The following VBP1 variants were observed in gnomAD, a reference collection of about 807,000 sequenced individuals.
The protein encoded by VBP1 is VHL binding protein 1.
Under a neutral mutation model 15.5 loss-of-function variants are expected in VBP1, and 4 were observed. The observed-to-expected ratio is 0.26, with a 90% CI of 0.13 to 0.59. The LOEUF (loss-of-function observed/expected upper bound fraction) is 0.59. VBP1 is among the 20% of genes least tolerant of loss of function. VBP1 has a pLI of 0.90. For missense variants in VBP1, 108 were observed against 139.6 expected, an observed-to-expected ratio of 0.77 and a Z score of 1.14; for synonymous variants, 61 against 52.1, an observed-to-expected ratio of 1.17 and a Z score of -0.74.
intron 1 of VBP1, among the ~76,000 whole-genome samples, chrX:155,199,120 A>C (rs183344861): frequency 9.0e-6 from 1 of 111,678 alleles, no homozygotes; most frequent in African/African-American, 3.2e-5. Context: ...AAAAGACCAA[A>C]TCTACAACTG....
intron 3 of VBP1, 21 bp from the exon 4 acceptor site, chrX:155,228,363 A>ATTTTTTTT: frequency 1.1e-6 from 1 of 943,334 alleles, no homozygotes; most frequent in South Asian, 2.4e-5. Flanking sequence ...TGGTACTGTC[A>ATTTTTTTT]TTTTTTTTTT....
At chrX:155,235,860 T>C (rs1344998692) in intron 4 of VBP1, among the ~76,000 whole-genome samples, 1 of 112,270 alleles carries the variant, frequency 8.9e-6, no homozygotes, top group African/African-American at 3.2e-5. Context: ...CTATGCCAGC[T>C]AAGGAAACCT....
chrX:155,222,299 C>T lies in VBP1; in HGVS notation c.218+1992C>T, dbSNP rs1460607136. On this transcript the variant is annotated intron_variant, in intron 2 of 5. Coordinates refer to ENST00000286428, the MANE Select transcript of VBP1 (RefSeq NM_003372.7). ...AGGAGTTCAAGACCAGTGTGGGCAA[C>T]GTGGCAAAACCCTATATCTACAAAA... 5.4e-5 allele frequency among the ~76,000 whole-genome samples: 6 copies of T among 111,240 alleles called. No individual in the cohort carries two copies. The Admixed American group carries it at 5.7e-4, about 11-fold the overall frequency.
chrX:155,198,871 G>T (rs1346148473), intron 1 of VBP1, among the ~76,000 whole-genome samples: 1 of 111,703 alleles, frequency 9.0e-6, no homozygotes, highest in Non-Finnish European at 1.9e-5. Flanking sequence ...AAAAAATTTA[G>T]ACGAATGTAT....
Position 155,204,051 on chromosome X carries a change from T to C in VBP1, c.-30-4823T>C, listed in dbSNP as rs190827763. On this transcript the variant is annotated intron_variant, in intron 1 of 6. Transcript: ENST00000535916. ...TGGTTTGTGAAGGAATTCATCGATT[T>C]TGTAGCTTGTTTTATTTAGGCTCTG... is the stretch of plus-strand genomic sequence containing the variant. 7.9e-4 allele frequency among the ~76,000 whole-genome samples: 89 copies of C among 112,289 alleles called. 1 individual carries two copies. The highest frequency in any genetic ancestry group is 2.7e-3 in the African/African-American group (84 of 30,920).
At chrX:155,218,046 C>T (rs1320446466) in intron 1 of VBP1, among the ~76,000 whole-genome samples, 1 of 111,683 alleles carries the variant, frequency 9.0e-6, no homozygotes, top group Non-Finnish European at 1.9e-5. Context: ...TCATGGTGCT[C>T]AGCTAGAGAT....
Position 155,236,327 on chromosome X carries a change from C to T in VBP1, c.483C>T (p.Asp161=). ...AGAATCTTGATTCCCTGGAGGAAGA[C>T]CTTGACTTTCTTCGAGATCAATTTA... ...ATKNLDSLEE[D]LDFLRDQFTT... is the part of the protein sequence containing the mutation. The change falls in exon 5 of 6, where the codon GAC becomes GAT. Residue 161 remains aspartate, a synonymous_variant. Coordinates refer to ENST00000286428, the MANE Select transcript of VBP1 (RefSeq NM_003372.7). The T allele has an allele frequency of 8.3e-7, 1 of 1,209,969 alleles. No individual in the cohort carries two copies.
intron 4 of VBP1, among the ~76,000 whole-genome samples, chrX:155,233,075 G>A (rs1557311090): frequency 8.9e-6 from 1 of 112,306 alleles, no homozygotes. Context: ...AAACTGCATA[G>A]CAAATTACCA....
At chrX:155,211,581 C>T (rs1377167010), upstream of VBP1, among the ~76,000 whole-genome samples, 1 of 111,848 alleles carries the variant, frequency 8.9e-6, no homozygotes, top group African/African-American at 3.3e-5. Context: ...AAGAGTTGGT[C>T]GTATTTTTGG....
intron 4 of VBP1, among the ~76,000 whole-genome samples, chrX:155,235,116 A>ATG (rs112094871): frequency 0.038 from 3,683 of 97,349 alleles, 53 homozygotes; most frequent in Non-Finnish European, 0.043. Context: ...GTGTGTGTGT[A>ATG]TGTGTGTGTG....
chrX:155,225,351 G>T (rs940522818), intron 2 of VBP1, among the ~76,000 whole-genome samples: 1 of 111,426 alleles, frequency 9.0e-6, no homozygotes, highest in African/African-American at 3.3e-5. Flanking sequence ...GCACCACCAC[G>T]CCCAGCTAAT....
intron 2 of VBP1, among the ~76,000 whole-genome samples, chrX:155,211,391 A>C (rs1470789960): frequency 7.1e-5 from 8 of 112,329 alleles, no homozygotes; most frequent in Non-Finnish European, 1.5e-4. Context: ...TCAAGCAATA[A>C]ATATTGATCA....
chrX:155,219,848 A>AATGCTCTGAAATCCAGG (rs2074680542), intron 1 of VBP1, among the ~76,000 whole-genome samples: 1 of 111,170 alleles, frequency 9.0e-6, no homozygotes, highest in Non-Finnish European at 1.9e-5. Flanking sequence ...TGAAATCCAG[A>AATGCTCTGAAATCCAGG]ATGCTCTAAA....
intron 4 of VBP1, among the ~76,000 whole-genome samples, chrX:155,230,333 T>C (rs2074739555): frequency 8.9e-6 from 1 of 111,862 alleles, no homozygotes; most frequent in African/African-American, 3.3e-5. Flanking sequence ...TACTGGGGGT[T>C]AGTAGTCCAA....
In VBP1 at chrX:155,216,463, C is replaced by G. The variant is rs782240179; in HGVS notation, c.-20C>G. On this transcript the variant is annotated 5_prime_UTR_variant, in exon 1 of 6. Transcript: ENST00000286428. ...GGCGGCCGGCGGCCCGGGAGGCAGT[C>G]GCGCGCTCGCATCCCCAAGATGGCG... 2 of 1,162,827 alleles carry G rather than the reference C, an allele frequency of 1.7e-6. No homozygotes were observed. Among genetic ancestry groups the G allele is most frequent in the African/African-American group, 3.6e-5 (2 of 55,709 alleles).
chrX:155,201,601 GA>G (rs1187177066), intron 1 of VBP1, among the ~76,000 whole-genome samples: 2 of 82,515 alleles, frequency 2.4e-5, no homozygotes, highest in East Asian at 6.7e-4. Context: ...GTATTGATGG[GA>G]CGTATCTCAA....
chrX:155,200,561 C>T (rs1243968239), intron 1 of VBP1, among the ~76,000 whole-genome samples: 39 of 109,626 alleles, frequency 3.6e-4, no homozygotes, highest in African/African-American at 8.6e-4. Context: ...TTAAAACCAA[C>T]GAGAACAAAG....
chrX:155,222,258 C>T (rs782457905), intron 2 of VBP1, among the ~76,000 whole-genome samples: 13 of 112,092 alleles, frequency 1.2e-4, no homozygotes, highest in South Asian at 1.1e-3. Context: ...CCAAGGTGGG[C>T]GGATCGCTTG....
In VBP1 at chrX:155,223,120, T is replaced by G. The variant is rs1396025695; in HGVS notation, c.218+2813T>G. Among the ~76,000 whole-genome samples the G allele has an allele frequency of 2.7e-5, 3 of 109,481 alleles. No homozygotes were observed. The Admixed American group carries it at 2.9e-4, about 11-fold the overall frequency. On this transcript the variant is annotated intron_variant, in intron 2 of 5. Coordinates refer to ENST00000286428, the MANE Select transcript of VBP1 (RefSeq NM_003372.7). ...AGTTTACATGCTAGCCTTTTTGTTT[T>G]TTTTTTTTTTCAATTTGCTATTATT...
Sources: allele counts gnomAD v4.1 joint callset (sites outside exome capture counted in the v4.1 genomes callset), GRCh38; gene constraint gnomAD v4.1.1; transcripts MANE v1.5; gene names NCBI Gene and HGNC (gene_info 2026-07-23, HGNC 2026-07-21).